PCDH9: variants seen among roughly 807,000 people sequenced by gnomAD.
PCDH9 encodes protocadherin 9.
Under a neutral mutation model 70.6 loss-of-function variants are expected in PCDH9, and 24 were observed. That is an observed-to-expected ratio of 0.34 (90% CI 0.25 to 0.48). The LOEUF is 0.48. Among genes scored for constraint, PCDH9 ranks in the 20% least tolerant of loss-of-function variants. The pLI is 0.99. For synonymous variants in PCDH9, 562 were observed against 558.5 expected (o/e 1.01, Z -0.09); for missense variants, 1,281 against 1,503.6 (o/e 0.85, Z 2.45).
chr13:67,105,920 C>T (rs9541001), intron 2 of PCDH9, among the ~76,000 whole-genome samples: 13,797 of 150,318 alleles, frequency 0.092, 708 homozygotes, highest in Non-Finnish European at 0.12. Context: ...AAGAAATATA[C>T]ATATATATTT....
In PCDH9 at chr13:66,997,505, C is replaced by CTGTTTTGTTTTGTTTTGTTT. The variant is rs58349093; in HGVS notation, c.3037-93920_3037-93901dup. 1.6e-3 allele frequency among the ~76,000 whole-genome samples: 224 copies of CTGTTTTGTTTTGTTTTGTTT among 144,404 alleles called. 1 individual carries two copies. The highest frequency in any genetic ancestry group is 2.4e-3 in the African/African-American group (95 of 38,926). The allele number at this position is 144,404 out of a possible 152,430, so 94.7% of individuals were successfully genotyped here. Reference sequence around the variant, plus strand: ...TAGGCTCGTCACCAACACTGGAGGTCTGTTTTGTTTTGTTTTGTTTTGTTT... The same window carrying CTGTTTTGTTTTGTTTTGTTT: ...TAGGCTCGTCACCAACACTGGAGGTCTGTTTTGTTTTGTTTTGTTTTGTTTTGTTTTGTTTTGTTTTGTTT... On this transcript the variant is annotated intron_variant, in intron 2 of 4. Coordinates refer to ENST00000377865, the MANE Select transcript of PCDH9 (RefSeq NM_203487.3).
chr13:67,124,132 G>T (rs1470000550), intron 2 of PCDH9, among the ~76,000 whole-genome samples: 1 of 152,066 alleles, frequency 6.6e-6, no homozygotes, highest in Non-Finnish European at 1.5e-5. Flanking sequence ...AAAGTAAAAT[G>T]CATGCACTCT....
intron 2 of PCDH9, among the ~76,000 whole-genome samples, chr13:67,170,632 A>C (rs1181907126): frequency 6.6e-6 from 1 of 152,216 alleles, no homozygotes; most frequent in Non-Finnish European, 1.5e-5. Flanking sequence ...CAAAAGTAAG[A>C]AGTGAGAACT....
intron 3 of PCDH9, among the ~76,000 whole-genome samples, chr13:66,832,907 C>T (rs1441673186): frequency 9.9e-5 from 15 of 152,064 alleles, no homozygotes; most frequent in Non-Finnish European, 4.4e-5. Context: ...CCCTGTATTC[C>T]TCCTCTACTA....
intron 3 of PCDH9, among the ~76,000 whole-genome samples, chr13:66,856,345 G>C (rs1040190266): frequency 6.6e-6 from 1 of 151,968 alleles, no homozygotes; most frequent in South Asian, 2.1e-4. Flanking sequence ...AAAGCAATGG[G>C]AGTTCAAATG....
intron 4 of PCDH9, among the ~76,000 whole-genome samples, chr13:66,575,781 C>T (rs1023636797): frequency 4.6e-5 from 7 of 152,040 alleles, no homozygotes; most frequent in African/African-American, 1.7e-4. Context: ...TCTCAAAACA[C>T]ACTGTAATTT....
intron 4 of PCDH9, among the ~76,000 whole-genome samples, chr13:66,315,316 G>C (rs994470498): frequency 6.6e-6 from 1 of 152,188 alleles, no homozygotes. Context: ...AGGTTCATGA[G>C]ATACTAAATG....
chr13:66,931,505 A>G (rs2082807546), intron 2 of PCDH9, among the ~76,000 whole-genome samples: 1 of 152,116 alleles, frequency 6.6e-6, no homozygotes, highest in Non-Finnish European at 1.5e-5. Flanking sequence ...AGTGAATGTG[A>G]TTGATGTAGG....
intron 2 of PCDH9, among the ~76,000 whole-genome samples, chr13:66,962,172 G>C (rs2083360057): frequency 3.3e-5 from 5 of 152,176 alleles, no homozygotes. Flanking sequence ...GGTTCCATTG[G>C]AGAGAGGGAT....
At chr13:67,148,100 G>A (rs1484728302) in intron 2 of PCDH9, among the ~76,000 whole-genome samples, 1 of 152,032 alleles carries the variant, frequency 6.6e-6, no homozygotes, top group East Asian at 1.9e-4. Flanking sequence ...TTTAAATGCA[G>A]GTCTATCTTT....
At chr13:66,730,671 T>C (rs1270116933) in intron 3 of PCDH9, among the ~76,000 whole-genome samples, 1 of 149,664 alleles carries the variant, frequency 6.7e-6, no homozygotes, top group African/African-American at 2.5e-5. Context: ...GCACATATAA[T>C]ATATATTTCC....
intron 2 of PCDH9, among the ~76,000 whole-genome samples, chr13:67,088,043 T>C (rs2086143364): frequency 6.6e-6 from 1 of 151,972 alleles, no homozygotes; most frequent in Admixed American, 6.6e-5. Context: ...GCCTCACTAT[T>C]AGGAATTGCG....
intron 2 of PCDH9, among the ~76,000 whole-genome samples, chr13:67,196,122 C>T (rs2089058959): frequency 6.6e-6 from 1 of 152,038 alleles, no homozygotes; most frequent in Non-Finnish European, 1.5e-5. Flanking sequence ...ATTTCTGAAA[C>T]TCAAGTTTCT....
chr13:66,312,702 A>T, intron 4 of PCDH9, among the ~76,000 whole-genome samples: 1 of 152,204 alleles, frequency 6.6e-6, no homozygotes, highest in East Asian at 1.9e-4. Flanking sequence ...TTTAAATGTA[A>T]ATAAAAATCT....
chr13:66,317,873 A>C (rs1955681967), intron 4 of PCDH9, among the ~76,000 whole-genome samples: 1 of 152,126 alleles, frequency 6.6e-6, no homozygotes, highest in African/African-American at 2.4e-5. Context: ...ACTTTTTAAA[A>C]GGCTAATATG....
At chr13:66,985,137 T>C (rs770380969) in intron 2 of PCDH9, among the ~76,000 whole-genome samples, 19 of 152,108 alleles carry the variant, frequency 1.2e-4, no homozygotes, top group Admixed American at 6.6e-5. Flanking sequence ...TAGTCTCTAC[T>C]ATTATTCCTC....
At chr13:66,865,058 T>C (rs1377991852) in intron 3 of PCDH9, among the ~76,000 whole-genome samples, 1 of 152,220 alleles carries the variant, frequency 6.6e-6, no homozygotes, top group African/African-American at 2.4e-5. Context: ...ATTAACAGTG[T>C]ATATCCCTAA....
intron 3 of PCDH9, among the ~76,000 whole-genome samples, chr13:66,795,665 G>C (rs1053370237): frequency 1.3e-5 from 2 of 152,086 alleles, no homozygotes; most frequent in African/African-American, 4.8e-5. Flanking sequence ...AGAGAAAAGG[G>C]AGGGTGTTCT....
chr13:66,827,667 T>C lies in PCDH9; in HGVS notation c.3138+75837A>G, dbSNP rs565908179. Among the ~76,000 whole-genome samples the C allele has an allele frequency of 2.6e-5, 4 of 152,294 alleles. No homozygotes were observed. The South Asian group carries it at 8.3e-4, about 32-fold the overall frequency. ...CCTAGAGCAACCAGGTAATTTTGCATCATTCATGAGAGATGGATAAACTTA... is the reference window on the plus strand; with the variant it reads ...CCTAGAGCAACCAGGTAATTTTGCACCATTCATGAGAGATGGATAAACTTA... On this transcript the variant is annotated intron_variant, in intron 3 of 4. Transcript: ENST00000377865.
Sources: allele counts gnomAD v4.1 joint callset (sites outside exome capture counted in the v4.1 genomes callset), GRCh38; gene constraint gnomAD v4.1.1; transcripts MANE v1.5; gene names NCBI Gene and HGNC (gene_info 2026-07-23, HGNC 2026-07-21).